Variants in ADAMTS12 observed in about 807,000 individuals in gnomAD.
ADAMTS12 encodes the protein A disintegrin and metalloproteinase with thrombospondin motifs 12.
ADAMTS12 carries 118 observed loss-of-function variants against 167.8 expected under a neutral mutation model. The observed-to-expected ratio is 0.70, with a 90% CI of 0.61 to 0.82. ADAMTS12 has a LOEUF of 0.82. Among genes scored for constraint, ADAMTS12 ranks in the 40% least tolerant of loss-of-function variants. The pLI, the probability that ADAMTS12 is intolerant of heterozygous loss-of-function variation, is 0.00. For synonymous variants in ADAMTS12, 704 were observed against 716.9 expected, an observed-to-expected ratio of 0.98 and a Z score of 0.29; for missense variants, 1,916 against 1,998.8, an observed-to-expected ratio of 0.96 and a Z score of 0.79.
intron 16 of ADAMTS12, among the ~76,000 whole-genome samples, chr5:33,612,487 CTT>C (rs559136629): frequency 5.4e-4 from 83 of 152,302 alleles, no homozygotes; most frequent in Middle Eastern, 3.4e-3. Context: ...AGGATGTTCT[CTT>C]GTTTCTTTCA....
intron 19 of ADAMTS12, among the ~76,000 whole-genome samples, chr5:33,569,484 C>CA (rs1238425229): frequency 2.0e-5 from 3 of 152,212 alleles, no homozygotes; most frequent in East Asian, 3.8e-4. Context: ...CCCAGGCAAA[C>CA]GGGTCTGGAG....
intron 2 of ADAMTS12, among the ~76,000 whole-genome samples, chr5:33,757,927 G>A (rs1745222862): frequency 1.3e-5 from 2 of 152,158 alleles, no homozygotes; most frequent in Non-Finnish European, 2.9e-5. Flanking sequence ...CGCAAACACA[G>A]TATAAAGTGG....
chr5:33,536,215 C>A (rs1011622075), intron 22 of ADAMTS12, among the ~76,000 whole-genome samples: 2 of 152,174 alleles, frequency 1.3e-5, no homozygotes, highest in South Asian at 2.1e-4. Flanking sequence ...CGGCTCACTG[C>A]AACCTCCCTC....
At chr5:33,718,208 T>C (rs547560004) in intron 3 of ADAMTS12, among the ~76,000 whole-genome samples, 11 of 152,330 alleles carry the variant, frequency 7.2e-5, no homozygotes, top group Admixed American at 2.6e-4. Context: ...TATGATTATA[T>C]TAGATTTTGT....
chr5:33,733,862 A>G (rs1417884238), intron 3 of ADAMTS12, among the ~76,000 whole-genome samples: 1 of 152,158 alleles, frequency 6.6e-6, no homozygotes, highest in Non-Finnish European at 1.5e-5. Flanking sequence ...AGACACAGCC[A>G]AGCAAGTACC....
At chr5:33,596,744 C>T (rs1368195200) in intron 16 of ADAMTS12, among the ~76,000 whole-genome samples, 2 of 152,168 alleles carry the variant, frequency 1.3e-5, no homozygotes, top group Non-Finnish European at 2.9e-5. Flanking sequence ...GAGGCAATTG[C>T]TACATTATTA....
intron 11 of ADAMTS12, among the ~76,000 whole-genome samples, chr5:33,639,124 T>A (rs907912503): frequency 1.3e-5 from 2 of 152,234 alleles, no homozygotes; most frequent in African/African-American, 4.8e-5. Flanking sequence ...ATAGTTTTTA[T>A]CTCACAAGTT....
intron 3 of ADAMTS12, among the ~76,000 whole-genome samples, chr5:33,710,505 T>G (rs1383059531): frequency 6.6e-6 from 1 of 152,166 alleles, no homozygotes; most frequent in East Asian, 1.9e-4. Context: ...AAACAAATAT[T>G]TATTATGCAT....
chr5:33,863,671 C>T (rs746149426), intron 2 of ADAMTS12, among the ~76,000 whole-genome samples: 1 of 152,164 alleles, frequency 6.6e-6, no homozygotes, highest in Non-Finnish European at 1.5e-5. Flanking sequence ...AGCAAGTTAC[C>T]ATTGACTTTC....
At chr5:33,883,350 T>G (rs1750526327) in intron 1 of ADAMTS12, among the ~76,000 whole-genome samples, 1 of 147,314 alleles carries the variant, frequency 6.8e-6, no homozygotes, top group African/African-American at 2.5e-5. Context: ...TTGTTTTTTT[T>G]TTTTCCAGGC....
intron 3 of ADAMTS12, among the ~76,000 whole-genome samples, chr5:33,693,418 C>T (rs1742627238): frequency 6.6e-6 from 1 of 152,132 alleles, no homozygotes. Context: ...GGGCTTATTA[C>T]ATACCTGTGT....
At chr5:33,745,252 C>A (rs1036231769) in intron 3 of ADAMTS12, among the ~76,000 whole-genome samples, 1 of 152,264 alleles carries the variant, frequency 6.6e-6, no homozygotes. Context: ...CAGAACAGAA[C>A]AAGCCTCCTC....
intron 20 of ADAMTS12, 42 bp downstream of exon 20, chr5:33,560,985 A>G (rs760678603): frequency 2.2e-5 from 35 of 1,605,532 alleles, no homozygotes; most frequent in Non-Finnish European, 2.6e-5. Context: ...ACCCATCCCC[A>G]CCTTCTCTAC....
At chr5:33,750,548 T>C (rs1400839278) in intron 3 of ADAMTS12, among the ~76,000 whole-genome samples, 2 of 152,162 alleles carry the variant, frequency 1.3e-5, no homozygotes, top group Non-Finnish European at 2.9e-5. Flanking sequence ...TTCCAAATCC[T>C]CAAGACTCAT....
chr5:33,588,863 C>T (rs1020638953), intron 17 of ADAMTS12, 54 bp from the exon 18 acceptor site: 63 of 1,590,538 alleles, frequency 4.0e-5, no homozygotes, highest in Admixed American at 6.8e-5. Context: ...GCATATGTTC[C>T]ATTCAACCAC....
intron 9 of ADAMTS12, among the ~76,000 whole-genome samples, chr5:33,644,954 T>C (rs1159365564): frequency 6.6e-6 from 1 of 151,966 alleles, no homozygotes; most frequent in East Asian, 1.9e-4. Context: ...ATGGTCTTGA[T>C]CTCCTGACCT....
Position 33,658,289 on chromosome 5 carries a change from C to A in ADAMTS12, c.1085G>T (p.Gly362Val). Residue 362 changes from glycine to valine, a missense_variant, in exon 7 of 24, where the codon GGC becomes GTC. Coordinates refer to ENST00000504830, the MANE Select transcript of ADAMTS12 (RefSeq NM_030955.4). ...ACACATTCCTGAAAGGTGAGACAGG[C>A]CCAGGGTCTCGCAGGGGCGATTGAA... ...AGFNRPCETLGLSHLSGMCQP... is the reference protein window; with the variant it reads ...AGFNRPCETLVLSHLSGMCQP... 6.2e-7 allele frequency: 1 copy of A among 1,613,660 alleles called. No individual in the cohort carries two copies. The highest frequency in any genetic ancestry group is 8.5e-7 in the Non-Finnish European group (1 of 1,179,696).
chr5:33,884,424 A>G (rs556940793), intron 1 of ADAMTS12, among the ~76,000 whole-genome samples: 1 of 152,296 alleles, frequency 6.6e-6, no homozygotes, highest in South Asian at 2.1e-4. Context: ...GCTTTTGGTC[A>G]GCTCTGTCAC....
intron 8 of ADAMTS12, 34 bp from the exon 9 acceptor site, chr5:33,649,000 T>C (rs763630173): frequency 2.0e-5 from 32 of 1,608,874 alleles, no homozygotes; most frequent in Non-Finnish European, 3.4e-6. Context: ...AGAGGAGTTG[T>C]TTAGGATTCC....
Sources: gnomAD v4.1 joint callset for allele counts (sites outside exome capture counted in the v4.1 genomes callset) on GRCh38, gnomAD v4.1.1 for gene constraint, MANE v1.5 for transcripts, NCBI Gene and HGNC (gene_info 2026-07-23, HGNC 2026-07-21) for gene names.